The following CADM2 variants were observed in gnomAD, a reference collection of about 807,000 sequenced individuals.
The protein encoded by CADM2 is immunoglobulin superfamily member 4D.
Under a neutral mutation model 49.8 loss-of-function variants are expected in CADM2, and 12 were observed. That is an observed-to-expected ratio of 0.24 (90% CI 0.15 to 0.39). The LOEUF is 0.39. CADM2 is among the 10% of genes least tolerant of loss of function. The probability of loss-of-function intolerance (pLI) is 1.00; values close to 1 mark genes in which losing one functional copy is unlikely to be tolerated. For missense variants in CADM2, 378 were observed against 492.3 expected (o/e 0.77, Z 2.20); for synonymous variants, 214 against 175.4 (o/e 1.22, Z -1.74).
intron 1 of CADM2, among the ~76,000 whole-genome samples, chr3:85,182,434 G>A (rs1054250051): frequency 6.6e-6 from 1 of 152,148 alleles, no homozygotes; most frequent in African/African-American, 2.4e-5. Context: ...TCACCTTGTG[G>A]TAGTCTTTAC....
At chr3:85,933,063 C>T (rs148578917) in intron 6 of CADM2, among the ~76,000 whole-genome samples, 97 of 152,220 alleles carry the variant, frequency 6.4e-4, no homozygotes, top group South Asian at 5.0e-3. Flanking sequence ...CCACATTGTG[C>T]GTTCCTCTTT....
chr3:85,208,292 A>G (rs993017620), intron 1 of CADM2, among the ~76,000 whole-genome samples: 5 of 152,184 alleles, frequency 3.3e-5, no homozygotes, highest in Admixed American at 1.3e-4. Flanking sequence ...ATGTAACGTT[A>G]CTAGAAACGT....
chr3:86,045,861 C>T (rs1472064355), intron 8 of CADM2, among the ~76,000 whole-genome samples: 2 of 152,122 alleles, frequency 1.3e-5, no homozygotes, highest in African/African-American at 4.8e-5. Flanking sequence ...CATTCTCATC[C>T]TCATTTTACA....
chr3:85,828,753 C>A (rs953983392), intron 3 of CADM2, among the ~76,000 whole-genome samples: 1 of 151,902 alleles, frequency 6.6e-6, no homozygotes, highest in Non-Finnish European at 1.5e-5. Context: ...TTTCATCCTA[C>A]AAACCATATT....
chr3:85,768,744 CATATATACAT>C (rs1351580877), intron 2 of CADM2, among the ~76,000 whole-genome samples: 143 of 135,498 alleles, frequency 1.1e-3, no homozygotes, highest in African/African-American at 4.1e-3. Context: ...CATATATACA[CATATATACAT>C]ATATAGTATA....
Position 85,460,855 on chromosome 3 carries a change from G to T in CADM2, c.62-265667G>T, listed in dbSNP as rs182811209. ...CTTTTAATGTATTTGCCCCATGGAAGCTCTCCTCTAGAGAAAAGCACTAAA... is the reference window on the plus strand; with the variant it reads ...CTTTTAATGTATTTGCCCCATGGAATCTCTCCTCTAGAGAAAAGCACTAAA... On this transcript the variant is annotated intron_variant, in intron 1 of 9. Transcript: ENST00000383699. Among the ~76,000 whole-genome samples the T allele has an allele frequency of 1.0e-3, 155 of 152,058 alleles. 2 individuals are homozygous for T. Among genetic ancestry groups the T allele is most frequent in the Non-Finnish European group, 2.5e-4 (17 of 67,990 alleles).
chr3:84,969,539 A>C (rs2031264155), intron 1 of CADM2, among the ~76,000 whole-genome samples: 1 of 151,418 alleles, frequency 6.6e-6, no homozygotes, highest in African/African-American at 2.4e-5. Flanking sequence ...CCACTGATTG[A>C]TTAGTTTTCT....
At chr3:85,479,743 T>A (rs1358838303) in intron 1 of CADM2, among the ~76,000 whole-genome samples, 2 of 151,900 alleles carry the variant, frequency 1.3e-5, no homozygotes, top group African/African-American at 2.4e-5. Context: ...TTTAGCTAAG[T>A]GGTGCTGTAT....
chr3:85,983,637 T>C lies in CADM2; in HGVS notation c.970+21990T>C, dbSNP rs1023013788. 4.0e-5 allele frequency among the ~76,000 whole-genome samples: 6 copies of C among 151,794 alleles called. No homozygotes were observed. In the Admixed American group the frequency reaches 4.0e-4, roughly 10 times the overall value. On this transcript the variant is annotated intron_variant, in intron 8 of 9. Coordinates refer to ENST00000383699, the MANE Select transcript of CADM2 (RefSeq NM_001167675.2). ...ATACCATTAATGAAATGGTAGATTT[T>C]CCCCTATAATTACAGTTTTAATCTG...
chr3:85,148,585 T>A (rs1271395475), intron 1 of CADM2, among the ~76,000 whole-genome samples: 1 of 152,160 alleles, frequency 6.6e-6, no homozygotes, highest in East Asian at 1.9e-4. Context: ...ACAAGTGCAT[T>A]TGACCCTCAA....
At chr3:85,329,476 A>C (rs2107143040) in intron 1 of CADM2, among the ~76,000 whole-genome samples, 1 of 152,140 alleles carries the variant, frequency 6.6e-6, no homozygotes, top group South Asian at 2.1e-4. Flanking sequence ...AGGCTGAGGC[A>C]GAAGAATTGC....
At chr3:85,272,994 G>A (rs2043276726) in intron 1 of CADM2, among the ~76,000 whole-genome samples, 1 of 151,234 alleles carries the variant, frequency 6.6e-6, no homozygotes, top group South Asian at 2.1e-4. Flanking sequence ...GGTAACTGAA[G>A]TGCCAAGATA....
At chr3:85,997,077 C>A (rs1436681780) in intron 8 of CADM2, among the ~76,000 whole-genome samples, 2 of 152,142 alleles carry the variant, frequency 1.3e-5, no homozygotes, top group Non-Finnish European at 2.9e-5. Context: ...TATTCAAGGT[C>A]AAGGCTGTCA....
At chr3:85,407,452 C>G (rs1300567444) in intron 1 of CADM2, among the ~76,000 whole-genome samples, 1 of 152,048 alleles carries the variant, frequency 6.6e-6, no homozygotes, top group African/African-American at 2.4e-5. Flanking sequence ...CCGCTTCTAC[C>G]ATTTTGAAAT....
intron 1 of CADM2, among the ~76,000 whole-genome samples, chr3:85,436,128 G>A (rs1006858405): frequency 6.6e-6 from 1 of 151,842 alleles, no homozygotes; most frequent in African/African-American, 2.4e-5. Context: ...TCCTTGAAGA[G>A]GTCCTTCACA....
At chr3:85,553,124 G>A (rs1018541165) in intron 1 of CADM2, among the ~76,000 whole-genome samples, 1 of 151,998 alleles carries the variant, frequency 6.6e-6, no homozygotes, top group Non-Finnish European at 1.5e-5. Flanking sequence ...AAAAATACTA[G>A]GGGTCTCTAA....
rs185881313 is a variant in CADM2 at position 85,866,664 on chromosome 3, T to A, written c.239-16627T>A. The stretch of plus-strand genomic sequence containing the variant: ...TCAGTGTTTTGAAGGAATGTTTTAA[T>A]TAATAATTTATGTATTTGAAAAAAA... On this transcript the variant is annotated intron_variant, in intron 3 of 9. Coordinates refer to ENST00000383699, the MANE Select transcript of CADM2 (RefSeq NM_001167675.2). Among the ~76,000 whole-genome samples the A allele has an allele frequency of 2.5e-3, 383 of 152,102 alleles. 1 individual carries two copies. Among genetic ancestry groups the A allele is most frequent in the African/African-American group, 8.9e-3 (371 of 41,540 alleles).
chr3:85,129,880 AC>A (rs1303495268), intron 1 of CADM2, among the ~76,000 whole-genome samples: 1 of 152,216 alleles, frequency 6.6e-6, no homozygotes, highest in Non-Finnish European at 1.5e-5. Context: ...CTGGGAAAAT[AC>A]CCATAATGAA....
At chr3:85,958,902 G>A (rs1484093682) in intron 7 of CADM2, among the ~76,000 whole-genome samples, 1 of 151,842 alleles carries the variant, frequency 6.6e-6, no homozygotes, top group African/African-American at 2.4e-5. Context: ...CTGTTGCAGG[G>A]TTGGGGGTGA....
Sources: allele counts gnomAD v4.1 joint callset (sites outside exome capture counted in the v4.1 genomes callset), GRCh38; gene constraint gnomAD v4.1.1; transcripts MANE v1.5; gene names NCBI Gene and HGNC (gene_info 2026-07-23, HGNC 2026-07-21).